Variants in STK39 observed in about 807,000 individuals in gnomAD.
STK39 encodes serine/threonine kinase 39.
Under a neutral mutation model 77.8 loss-of-function variants are expected in STK39, and 20 were observed. That is an observed-to-expected ratio of 0.26 (90% CI 0.18 to 0.37). The LOEUF (loss-of-function observed/expected upper bound fraction) is 0.37. Ranked by LOEUF, STK39 falls within the 10% of genes least tolerant of loss-of-function variation. The probability of loss-of-function intolerance (pLI) is 1.00; values close to 1 mark genes in which losing one functional copy is unlikely to be tolerated. For synonymous variants in STK39, 246 were observed against 234.1 expected (o/e 1.05, Z -0.47); for missense variants, 479 against 656.5 (o/e 0.73, Z 2.95).
chr2:168,095,850 C>T (rs148260261), intron 10 of STK39, among the ~76,000 whole-genome samples: 18 of 152,066 alleles, frequency 1.2e-4, no homozygotes, highest in African/African-American at 3.6e-4. Context: ...ACCAAGATGA[C>T]GACTATGCTT....
chr2:168,162,282 G>A (rs1241393861), intron 4 of STK39, among the ~76,000 whole-genome samples: 2 of 73,234 alleles, frequency 2.7e-5, no homozygotes, highest in Non-Finnish European at 4.7e-5. Context: ...GTGAAACTTG[G>A]TCTCAAAAAA....
At chr2:168,176,076 G>T (rs6433042) in intron 2 of STK39, among the ~76,000 whole-genome samples, 152,197 of 152,322 alleles carry the variant, frequency 1, 76,036 homozygotes, top group Non-Finnish European at 1. Flanking sequence ...AATTATTAAT[G>T]TACTAATTAG....
chr2:167,961,735 G>A (rs1691965762), intron 17 of STK39, among the ~76,000 whole-genome samples: 1 of 152,174 alleles, frequency 6.6e-6, no homozygotes, highest in African/African-American at 2.4e-5. Context: ...CTTCCCTGTG[G>A]AATGCTTCTC....
intron 1 of STK39, among the ~76,000 whole-genome samples, chr2:168,214,702 T>C (rs191249104): frequency 2.6e-5 from 4 of 152,240 alleles, no homozygotes; most frequent in Non-Finnish European, 4.4e-5. Context: ...AGGATATACA[T>C]AAATATTCAA....
intron 10 of STK39, among the ~76,000 whole-genome samples, chr2:168,084,779 A>G (rs1686325151): frequency 6.6e-6 from 1 of 152,232 alleles, no homozygotes; most frequent in Non-Finnish European, 1.5e-5. Context: ...TCCACACATC[A>G]AACAATTCTT....
chr2:168,074,420 A>G (rs974535242), intron 12 of STK39, among the ~76,000 whole-genome samples: 2 of 152,206 alleles, frequency 1.3e-5, no homozygotes, highest in African/African-American at 4.8e-5. Context: ...GAAGTAAATC[A>G]AATACGATCT....
chr2:168,034,574 A>G (rs1192636850), intron 14 of STK39, among the ~76,000 whole-genome samples: 1 of 152,236 alleles, frequency 6.6e-6, no homozygotes, highest in Non-Finnish European at 1.5e-5. Context: ...CAGAGCACAC[A>G]TGGCACTGAT....
At chr2:168,003,749 G>A (rs979191835) in intron 16 of STK39, among the ~76,000 whole-genome samples, 1 of 152,094 alleles carries the variant, frequency 6.6e-6, no homozygotes, top group Non-Finnish European at 1.5e-5. Context: ...CTAACCACAA[G>A]CCTGTCTAAA....
At chr2:168,157,162 G>A (rs544846592) in intron 5 of STK39, among the ~76,000 whole-genome samples, 22 of 152,224 alleles carry the variant, frequency 1.4e-4, no homozygotes, top group African/African-American at 5.3e-4. Context: ...TCAAGATGCA[G>A]ATTTAAAATG....
chr2:168,076,707 C>A (rs532802938), intron 10 of STK39, among the ~76,000 whole-genome samples: 15 of 151,944 alleles, frequency 9.9e-5, no homozygotes, highest in African/African-American at 3.1e-4. Context: ...CTTTTTTCTC[C>A]AACCCCTACC....
intron 1 of STK39, among the ~76,000 whole-genome samples, chr2:168,221,763 T>G (rs771312520): frequency 6.6e-6 from 1 of 152,120 alleles, no homozygotes; most frequent in South Asian, 2.1e-4. Context: ...ACTTCTTCTT[T>G]GGATCACCAA....
At chr2:168,218,134 G>C (rs1690071743) in intron 1 of STK39, among the ~76,000 whole-genome samples, 3 of 152,178 alleles carry the variant, frequency 2.0e-5, no homozygotes. Flanking sequence ...TTGTAATGGA[G>C]AAAGAATTTA....
chr2:168,247,089 AC>A (rs1690938472), intron 1 of STK39, 138 bp downstream of exon 1: 13 of 261,078 alleles, frequency 5.0e-5, no homozygotes, highest in Non-Finnish European at 7.5e-5. Flanking sequence ...AAAAAAAAAA[AC>A]TGTTGAAGCC....
At chr2:168,095,736 C>A (rs536582932) in intron 10 of STK39, among the ~76,000 whole-genome samples, 1 of 149,466 alleles carries the variant, frequency 6.7e-6, no homozygotes, top group Non-Finnish European at 1.5e-5. Flanking sequence ...ACGCCATTAT[C>A]CTGCTTCAGC....
intron 10 of STK39, among the ~76,000 whole-genome samples, chr2:168,117,487 G>A (rs1471623941): frequency 1.3e-5 from 2 of 152,168 alleles, no homozygotes; most frequent in Non-Finnish European, 2.9e-5. Flanking sequence ...GCTACAGAAG[G>A]TAAAACTAGC....
At chr2:168,050,310 A>T (rs768436696) in intron 14 of STK39, among the ~76,000 whole-genome samples, 6 of 152,190 alleles carry the variant, frequency 3.9e-5, no homozygotes, top group Non-Finnish European at 5.9e-5. Context: ...ATATACCACA[A>T]ATAAGGAGAG....
intron 1 of STK39, among the ~76,000 whole-genome samples, chr2:168,193,521 CT>C (rs1689392890): frequency 6.6e-6 from 1 of 152,340 alleles, no homozygotes; most frequent in Non-Finnish European, 1.5e-5. Context: ...CACGGAACAC[CT>C]GCTAAGCCCC....
At chr2:168,106,048 C>G (rs1478807651) in intron 10 of STK39, among the ~76,000 whole-genome samples, 1 of 152,174 alleles carries the variant, frequency 6.6e-6, no homozygotes, top group Non-Finnish European at 1.5e-5. Context: ...CTGCAAACTC[C>G]GCCTCCCAGA....
chr2:168,106,591 A>C (rs1686980295), intron 10 of STK39, among the ~76,000 whole-genome samples: 1 of 152,162 alleles, frequency 6.6e-6, no homozygotes, highest in Admixed American at 6.6e-5. Context: ...AGGCCAAGGC[A>C]GGAGGATCGC....
Sources: allele counts gnomAD v4.1 joint callset (sites outside exome capture counted in the v4.1 genomes callset), GRCh38; gene constraint gnomAD v4.1.1; transcripts MANE v1.5; gene names NCBI Gene and HGNC (gene_info 2026-07-23, HGNC 2026-07-21).